Variants in FLT1 observed in about 807,000 individuals in gnomAD.
FLT1 encodes fms related receptor tyrosine kinase 1.
FLT1 carries 49 observed loss-of-function variants against 156.3 expected under a neutral mutation model. The ratio of observed to expected loss-of-function variants is 0.31; its 90% CI spans 0.25 to 0.40. FLT1 has a LOEUF of 0.40. FLT1 is among the 10% of genes least tolerant of loss of function. The pLI, the probability that FLT1 is intolerant of heterozygous loss-of-function variation, is 1.00. For synonymous variants in FLT1, 594 were observed against 583.8 expected (o/e 1.02, Z -0.25); for missense variants, 1,322 against 1,637.2 (o/e 0.81, Z 3.32).
chr13:28,451,794 G>A (rs1197929783), intron 3 of FLT1, among the ~76,000 whole-genome samples: 1 of 152,106 alleles, frequency 6.6e-6, no homozygotes, highest in African/African-American at 2.4e-5. Flanking sequence ...TCCTAAACTC[G>A]CGATTTGTTA....
chr13:28,362,191 T>G (rs1179924809), intron 14 of FLT1, among the ~76,000 whole-genome samples: 1 of 152,108 alleles, frequency 6.6e-6, no homozygotes, highest in East Asian at 1.9e-4. Flanking sequence ...TAAACCCAGA[T>G]AACAGGGAAA....
At chr13:28,324,402 G>A (rs1593681045) in intron 20 of FLT1, among the ~76,000 whole-genome samples, 1 of 152,146 alleles carries the variant, frequency 6.6e-6, no homozygotes, top group Non-Finnish European at 1.5e-5. Context: ...AGGGCACAGT[G>A]GGAGCAAGCA....
At chr13:28,355,799 C>G (rs1184200944) in intron 15 of FLT1, among the ~76,000 whole-genome samples, 1 of 152,248 alleles carries the variant, frequency 6.6e-6, no homozygotes, top group African/African-American at 2.4e-5. Flanking sequence ...GAAAGAATAA[C>G]AGCAGGCCTC....
intron 1 of FLT1, among the ~76,000 whole-genome samples, chr13:28,487,487 T>A (rs1881229113): frequency 6.6e-6 from 1 of 152,236 alleles, no homozygotes; most frequent in Non-Finnish European, 1.5e-5. Flanking sequence ...GGAAATCCAT[T>A]TGTGCTCCAC....
intron 10 of FLT1, among the ~76,000 whole-genome samples, chr13:28,423,122 G>T (rs1478486976): frequency 6.6e-6 from 1 of 152,168 alleles, no homozygotes; most frequent in Non-Finnish European, 1.5e-5. Context: ...GGAACGTGAA[G>T]TTCTAGAAAT....
intron 3 of FLT1, among the ~76,000 whole-genome samples, chr13:28,444,262 C>T (rs1029611661): frequency 4.6e-5 from 7 of 151,986 alleles, no homozygotes; most frequent in African/African-American, 7.2e-5. Context: ...GTCAACATGG[C>T]GAAACCCCAT....
intron 29 of FLT1, 134 bp from the exon 30 acceptor site, chr13:28,303,502 C>CCCCCT: frequency 2.6e-6 from 2 of 771,446 alleles, no homozygotes; most frequent in Non-Finnish European, 4.3e-6. Context: ...ACCCCCCCCC[C>CCCCCT]CTCAATTGCT....
At chr13:28,428,488 CAGAA>C (rs1435949849) in intron 8 of FLT1, among the ~76,000 whole-genome samples, 3 of 147,008 alleles carry the variant, frequency 2.0e-5, no homozygotes, top group Non-Finnish European at 4.5e-5. Context: ...AAAAAAAAAA[CAGAA>C]AGCATAAACT....
chr13:28,339,016 T>A, intron 17 of FLT1, 152 bp downstream of exon 17: 1 of 668,760 alleles, frequency 1.5e-6, no homozygotes, highest in South Asian at 1.9e-5. Flanking sequence ...ATTGGAATTA[T>A]TTACTTTTGT....
chr13:28,390,195 A>G lies in FLT1; in HGVS notation c.1661-91T>C. The G allele has an allele frequency of 2.0e-6, 3 of 1,532,126 alleles. No individual in the cohort carries two copies. The East Asian group carries it at 6.9e-5, about 35-fold the overall frequency. 94.9% of individuals were successfully genotyped at this position (1,532,126 alleles called of 1,614,324 possible). A position where few individuals can be genotyped will look rare whatever the true frequency, so the allele number is the denominator to read the frequency against. On this transcript the variant is annotated intron_variant, in intron 12 of 29. Coordinates refer to ENST00000282397, the MANE Select transcript of FLT1 (RefSeq NM_002019.4). ...AGATCTTAAGAATTGTTCGTGCACA[A>G]ATTATCTCAGTATCCACATTAAAAA...
intron 9 of FLT1, among the ~76,000 whole-genome samples, 189 bp from the exon 10 acceptor site, chr13:28,427,507 GATT>G (rs1877417512): frequency 6.6e-6 from 1 of 152,100 alleles, no homozygotes; most frequent in Non-Finnish European, 1.5e-5. Context: ...AGGGTTTTGA[GATT>G]ATTAATAATT....
chr13:28,316,638 CT>C (rs572382294), intron 25 of FLT1, among the ~76,000 whole-genome samples: 9,684 of 134,590 alleles, frequency 0.072, 279 homozygotes, highest in East Asian at 0.17. Flanking sequence ...CTAAAAGGTT[CT>C]TTTTTTTTTT....
At chr13:28,430,993 G>A (rs1223210064) in intron 7 of FLT1, 143 bp downstream of exon 7, 2 of 733,842 alleles carry the variant, frequency 2.7e-6, no homozygotes, top group Admixed American at 4.0e-5. Context: ...TTTTGACAGG[G>A]GGAGGAGGGA....
intron 1 of FLT1, among the ~76,000 whole-genome samples, chr13:28,485,628 T>C (rs1253190367): frequency 2.0e-5 from 3 of 152,180 alleles, no homozygotes; most frequent in African/African-American, 4.8e-5. Context: ...GTGTGGTCCA[T>C]TGTGAGGCTG....
Position 28,366,931 on chromosome 13 carries a change from A to T in FLT1, c.2117-9246T>A, listed in dbSNP as rs114525865. 7.7e-3 allele frequency among the ~76,000 whole-genome samples: 1,179 copies of T among 152,308 alleles called. 15 individuals are homozygous for T. The highest frequency in any genetic ancestry group is 0.026 in the African/African-American group (1,092 of 41,554). On this transcript the variant is annotated intron_variant, in intron 14 of 29. Transcript: ENST00000282397. Reference sequence around the variant, plus strand: ...GGAGAATGGTAACTCTAACTTATTCATTCTTGAGTCCCCAGTGTCTAGTGC... The same window carrying T: ...GGAGAATGGTAACTCTAACTTATTCTTTCTTGAGTCCCCAGTGTCTAGTGC...
At chr13:28,373,921 T>C (rs1873732216) in intron 14 of FLT1, among the ~76,000 whole-genome samples, 1 of 152,184 alleles carries the variant, frequency 6.6e-6, no homozygotes, top group Admixed American at 6.5e-5. Flanking sequence ...TTCCCAGCCA[T>C]TGACTGCTCT....
At chr13:28,337,063 A>G (rs1872146258) in intron 17 of FLT1, among the ~76,000 whole-genome samples, 2 of 152,068 alleles carry the variant, frequency 1.3e-5, no homozygotes. Flanking sequence ...TAACTTCTAT[A>G]ATAAATATAT....
intron 14 of FLT1, among the ~76,000 whole-genome samples, chr13:28,366,953 G>A (rs1318575993): frequency 6.6e-6 from 1 of 152,182 alleles, no homozygotes; most frequent in African/African-American, 2.4e-5. Context: ...CCAGTGTCTA[G>A]TGCAGGCCGA....
chr13:28,426,716 A>C (rs1427062408), intron 10 of FLT1, among the ~76,000 whole-genome samples: 1 of 152,206 alleles, frequency 6.6e-6, no homozygotes, highest in Non-Finnish European at 1.5e-5. Context: ...TGGAAGAGCA[A>C]AGCCCAAAAG....
Sources: gnomAD v4.1 joint callset for allele counts (sites outside exome capture counted in the v4.1 genomes callset) on GRCh38, gnomAD v4.1.1 for gene constraint, MANE v1.5 for transcripts, NCBI Gene and HGNC (gene_info 2026-07-23, HGNC 2026-07-21) for gene names.